GRM8: variants seen among roughly 807,000 people sequenced by gnomAD.
GRM8 encodes glutamate metabotropic receptor 8.
In GRM8, 47 loss-of-function variants were observed where a neutral mutation model predicts 87.2. The observed-to-expected ratio is 0.54, with a 90% CI of 0.43 to 0.69. The LOEUF (loss-of-function observed/expected upper bound fraction) is 0.69, where lower values mean the gene tolerates loss of function less well. GRM8 is among the 30% of genes least tolerant of loss of function. The pLI, the probability that GRM8 is intolerant of heterozygous loss-of-function variation, is 0.00. For synonymous variants in GRM8, 396 were observed against 404.5 expected (o/e 0.98, Z 0.25); for missense variants, 1,019 against 1,139.2 (o/e 0.89, Z 1.52).
chr7:126,487,461 T>C (rs1807509933), intron 9 of GRM8, among the ~76,000 whole-genome samples: 1 of 151,946 alleles, frequency 6.6e-6, no homozygotes, highest in Non-Finnish European at 1.5e-5. Flanking sequence ...TTTCTGATAA[T>C]TATAGATTTA....
intron 2 of GRM8, among the ~76,000 whole-genome samples, chr7:127,151,880 G>A (rs1401223178): frequency 6.6e-6 from 1 of 152,042 alleles, no homozygotes; most frequent in Non-Finnish European, 1.5e-5. Context: ...TCTATATTCT[G>A]AGGTTTTGTA....
intron 2 of GRM8, among the ~76,000 whole-genome samples, chr7:127,145,064 A>G (rs1272852041): frequency 6.6e-6 from 1 of 152,172 alleles, no homozygotes; most frequent in Non-Finnish European, 1.5e-5. Flanking sequence ...AAGTCAACAT[A>G]TTAAGTATTG....
chr7:126,551,199 T>C (rs1377137309), intron 8 of GRM8, among the ~76,000 whole-genome samples: 3 of 152,176 alleles, frequency 2.0e-5, no homozygotes, highest in Non-Finnish European at 4.4e-5. Context: ...CCCTGTACCA[T>C]CTTCCCCATG....
chr7:127,134,435 A>G (rs991984756), intron 2 of GRM8, among the ~76,000 whole-genome samples: 5 of 152,208 alleles, frequency 3.3e-5, no homozygotes, highest in African/African-American at 1.2e-4. Flanking sequence ...AATCACTGTT[A>G]CATGAATTCC....
At chr7:127,238,195 A>G (rs1798085959) in intron 2 of GRM8, among the ~76,000 whole-genome samples, 1 of 152,120 alleles carries the variant, frequency 6.6e-6, no homozygotes, top group African/African-American at 2.4e-5. Context: ...TACATGTCAC[A>G]TTATCCTAAT....
At chr7:126,716,031 A>G (rs951401071) in intron 7 of GRM8, among the ~76,000 whole-genome samples, 3 of 152,234 alleles carry the variant, frequency 2.0e-5, no homozygotes, top group Admixed American at 6.5e-5. Context: ...AATAGATTTT[A>G]TATCACCTAG....
chr7:126,489,298 A>G (rs1026024156), intron 9 of GRM8, among the ~76,000 whole-genome samples: 7 of 152,096 alleles, frequency 4.6e-5, no homozygotes, highest in Admixed American at 3.3e-4. Flanking sequence ...TGAGTCCTGC[A>G]CATTAACTGC....
Position 126,533,077 on chromosome 7 carries a change from TA to T in GRM8, c.2304del (p.Thr770ArgfsTer26). 1 of 1,613,494 alleles carries T rather than the reference TA, an allele frequency of 6.2e-7. No individual in the cohort carries two copies. Among genetic ancestry groups the T allele is most frequent in the Non-Finnish European group, 8.5e-7 (1 of 1,179,774 alleles). The part of the protein sequence containing the change: ...LLMVTCTVYA[I>X]KTRGVPETFN... ...AAAGTCTCTGGGACACCTCTCGTTT[TA>T]ATGGCATAAACAGTACAAGTGACCA... is the stretch of plus-strand genomic sequence containing the variant. On this transcript the variant is annotated frameshift_variant, in exon 9 of 11. Coordinates refer to ENST00000339582, the MANE Select transcript of GRM8 (RefSeq NM_000845.3). LOFTEE classifies it high-confidence loss of function.
chr7:126,621,210 T>C (rs1323723821), intron 7 of GRM8, among the ~76,000 whole-genome samples: 1 of 152,170 alleles, frequency 6.6e-6, no homozygotes, highest in Non-Finnish European at 1.5e-5. Context: ...TAAAATCATA[T>C]AGTTTTATTA....
chr7:126,911,718 A>G (rs1281101515), intron 3 of GRM8, among the ~76,000 whole-genome samples: 1 of 152,208 alleles, frequency 6.6e-6, no homozygotes, highest in African/African-American at 2.4e-5. Context: ...TGGCCCAGTG[A>G]CAGGCTGCTG....
At chr7:126,771,355 C>T (rs998447628) in intron 6 of GRM8, among the ~76,000 whole-genome samples, 1 of 151,082 alleles carries the variant, frequency 6.6e-6, no homozygotes, top group Non-Finnish European at 1.5e-5. Context: ...ACACTCTGTG[C>T]TTTTAGATGC....
In GRM8 at chr7:127,221,640, C is replaced by T. The variant is rs989793573; in HGVS notation, c.510+21055G>A. On this transcript the variant is annotated intron_variant, in intron 2 of 10. Transcript: ENST00000339582. Reference sequence around the variant, plus strand: ...GTGCATCCTTTCTCCTGAGAATGCTCGTTAATAACTCATTTTGCTAAGATT... The same window carrying T: ...GTGCATCCTTTCTCCTGAGAATGCTTGTTAATAACTCATTTTGCTAAGATT... Among the ~76,000 whole-genome samples, 4 of 152,172 alleles carry T rather than the reference C, an allele frequency of 2.6e-5. No homozygotes were observed. The South Asian group carries it at 6.2e-4, about 24-fold the overall frequency.
intron 8 of GRM8, among the ~76,000 whole-genome samples, chr7:126,566,817 T>G (rs986141257): frequency 1.3e-5 from 2 of 152,112 alleles, no homozygotes; most frequent in Admixed American, 6.6e-5. Context: ...GAAAATGAGA[T>G]GCATAAATAC....
intron 8 of GRM8, among the ~76,000 whole-genome samples, chr7:126,602,255 T>C (rs1797862906): frequency 6.8e-6 from 1 of 146,240 alleles, no homozygotes; most frequent in Admixed American, 7.0e-5. Flanking sequence ...GTATGCGGCA[T>C]TATTTCTGAG....
chr7:126,893,436 T>C (rs1320114570), intron 6 of GRM8, among the ~76,000 whole-genome samples: 1 of 152,038 alleles, frequency 6.6e-6, no homozygotes, highest in Admixed American at 6.6e-5. Context: ...TTTATAACTA[T>C]GTTGAGCTTT....
intron 9 of GRM8, among the ~76,000 whole-genome samples, chr7:126,496,630 G>T (rs975139120): frequency 2.0e-5 from 3 of 151,942 alleles, no homozygotes; most frequent in East Asian, 1.9e-4. Context: ...TATCTAATTT[G>T]TCAACCTCTC....
chr7:126,866,677 C>T (rs550523058), intron 6 of GRM8, among the ~76,000 whole-genome samples: 3 of 147,932 alleles, frequency 2.0e-5, no homozygotes, highest in Admixed American at 6.9e-5. Context: ...CAGCAACCTC[C>T]GCCTCCCCGA....
chr7:126,947,039 C>A (rs1027474503), intron 3 of GRM8, among the ~76,000 whole-genome samples: 4 of 152,174 alleles, frequency 2.6e-5, no homozygotes, highest in African/African-American at 9.7e-5. Flanking sequence ...GAAGCTGGAG[C>A]CCCACTAACT....
chr7:126,595,061 TA>T (rs892766948), intron 8 of GRM8, among the ~76,000 whole-genome samples: 1 of 151,042 alleles, frequency 6.6e-6, no homozygotes, highest in Non-Finnish European at 1.5e-5. Context: ...TGGATGAAAT[TA>T]AAAAAAAATA....
Sources: allele counts gnomAD v4.1 joint callset (sites outside exome capture counted in the v4.1 genomes callset), GRCh38; gene constraint gnomAD v4.1.1; transcripts MANE v1.5; gene names NCBI Gene and HGNC (gene_info 2026-07-23, HGNC 2026-07-21).